FAM193A: variants seen among roughly 807,000 people sequenced by gnomAD.
FAM193A encodes protein FAM193A.
FAM193A carries 22 observed loss-of-function variants against 126.5 expected under a neutral mutation model. That is an observed-to-expected ratio of 0.17 (90% CI 0.12 to 0.25). The LOEUF is 0.25. Among genes scored for constraint, FAM193A ranks in the 10% least tolerant of loss-of-function variants. The pLI, the probability that FAM193A is intolerant of heterozygous loss-of-function variation, is 1.00. For synonymous variants in FAM193A, 761 were observed against 646.8 expected (o/e 1.18, Z -2.68); for missense variants, 1,675 against 1,672.8 (o/e 1.00, Z -0.02).
chr4:2,720,197 T>G (rs974181273), intron 20 of FAM193A: 11 of 154,608 alleles, frequency 7.1e-5, no homozygotes, highest in African/African-American at 2.7e-4. Flanking sequence ...AAAAAGTATT[T>G]TATATTCAAC....
chr4:2,673,195 A>G (rs1204898810), intron 13 of FAM193A, among the ~76,000 whole-genome samples: 2 of 152,202 alleles, frequency 1.3e-5, no homozygotes, highest in Non-Finnish European at 2.9e-5. Context: ...TCTTGTCCAA[A>G]GGTAGCTCTA....
At chr4:2,619,615 C>T (rs977636967) in intron 2 of FAM193A, among the ~76,000 whole-genome samples, 4 of 151,940 alleles carry the variant, frequency 2.6e-5, no homozygotes, top group South Asian at 2.1e-4. Context: ...TGGTCCCGCC[C>T]GCCTCTGCCT....
chr4:2,710,398 C>G (rs954220227), intron 19 of FAM193A, among the ~76,000 whole-genome samples: 1 of 152,086 alleles, frequency 6.6e-6, no homozygotes, highest in African/African-American at 2.4e-5. Flanking sequence ...TGGTCTCCAT[C>G]TCCTGACCTC....
chr4:2,579,499 AC>A (rs1447602606), intron 1 of FAM193A, among the ~76,000 whole-genome samples: 1 of 152,052 alleles, frequency 6.6e-6, no homozygotes, highest in Non-Finnish European at 1.5e-5. Context: ...GGCGTTGGAG[AC>A]CAACCTGGGC....
At chr4:2,610,224 C>G (rs1741782355) in intron 2 of FAM193A, among the ~76,000 whole-genome samples, 1 of 152,140 alleles carries the variant, frequency 6.6e-6, no homozygotes, top group African/African-American at 2.4e-5. Context: ...GAGCGAGACT[C>G]TGTCTCAAAA....
chr4:2,658,724 C>G (rs1712019398), intron 8 of FAM193A, among the ~76,000 whole-genome samples: 1 of 151,932 alleles, frequency 6.6e-6, no homozygotes, highest in South Asian at 2.1e-4. Context: ...CTTCCCTTTC[C>G]CCATTCTGCA....
At chr4:2,572,478 C>T (rs1453820808) in intron 1 of FAM193A, among the ~76,000 whole-genome samples, 1 of 152,108 alleles carries the variant, frequency 6.6e-6, no homozygotes, top group Admixed American at 6.6e-5. Flanking sequence ...TGGGCGTTCT[C>T]CAGTCTTCCT....
At chr4:2,588,134 G>A (rs558096952) in intron 1 of FAM193A, among the ~76,000 whole-genome samples, 1 of 152,312 alleles carries the variant, frequency 6.6e-6, no homozygotes, top group South Asian at 2.1e-4. Flanking sequence ...TCAGCACAGA[G>A]TCCATGTCCC....
intron 20 of FAM193A, among the ~76,000 whole-genome samples, chr4:2,721,929 C>T (rs1720210541): frequency 6.6e-6 from 1 of 152,170 alleles, no homozygotes. Context: ...GGAGAACTCT[C>T]ACAGACATAA....
chr4:2,537,134 G>T lies in FAM193A; in HGVS notation c.219G>T (p.Ala73=), dbSNP rs1736925164. The change falls in exon 1 of 21, where the codon GCG becomes GCT. Residue 73 remains alanine (A), a synonymous_variant. Coordinates refer to ENST00000637812, the MANE Select transcript of FAM193A (RefSeq NM_001366318.2). ...CCAACGGGCCTCTCGGCGCGGGCGC[G>T]AGCGCGGGCGGCGCCGCCCCCGGAG... is the stretch of plus-strand genomic sequence containing the variant. ...AAANGPLGAG[A]SAGGAAPGGY... 3 of 186,766 alleles carry T rather than the reference G, an allele frequency of 1.6e-5. No homozygotes were observed. The South Asian group carries it at 5.2e-4, about 32-fold the overall frequency. 11.6% of individuals were successfully genotyped at this position (186,766 alleles called of 1,614,324 possible). A position where few individuals can be genotyped will look rare whatever the true frequency, so the allele number is the denominator to read the frequency against.
At chr4:2,570,495 C>T (rs1001307719) in intron 1 of FAM193A, among the ~76,000 whole-genome samples, 6 of 152,118 alleles carry the variant, frequency 3.9e-5, no homozygotes, top group African/African-American at 1.4e-4. Context: ...ATATCTTTAA[C>T]TTTTCCCAAG....
At chr4:2,589,105 T>C (rs1464308476) in intron 1 of FAM193A, among the ~76,000 whole-genome samples, 1 of 152,198 alleles carries the variant, frequency 6.6e-6, no homozygotes, top group Non-Finnish European at 1.5e-5. Flanking sequence ...TTTGTTTTCT[T>C]CTGGATAAGT....
intron 2 of FAM193A, among the ~76,000 whole-genome samples, chr4:2,604,598 T>C (rs2108927980): frequency 6.6e-6 from 1 of 152,262 alleles, no homozygotes; most frequent in East Asian, 1.9e-4. Context: ...GTCGTGCCTT[T>C]CTCCTGAAGG....
chr4:2,724,097 A>G (rs1433433644), intron 20 of FAM193A, among the ~76,000 whole-genome samples: 1 of 152,086 alleles, frequency 6.6e-6, no homozygotes, highest in South Asian at 2.1e-4. Flanking sequence ...TATTAATACT[A>G]CATGAAATCT....
rs1034536056 is a variant in FAM193A, at chr4:2,608,434, C to T, written c.501+12105C>T. ...GCTCAATCAGTCTCCCTCTGTCGCC[C>T]TGGCTGGACCTCAGATGATCTGCCT... On this transcript the variant is annotated intron_variant, in intron 2 of 20. Coordinates refer to ENST00000637812, the MANE Select transcript of FAM193A (RefSeq NM_001366318.2). Among the ~76,000 whole-genome samples the T allele has an allele frequency of 5.3e-5, 8 of 152,180 alleles. No individual in the cohort carries two copies. In the East Asian group the frequency reaches 5.8e-4, roughly 11 times the overall value.
At chr4:2,711,141 C>A in intron 19 of FAM193A, among the ~76,000 whole-genome samples, 1 of 152,072 alleles carries the variant, frequency 6.6e-6, no homozygotes, top group East Asian at 1.9e-4. Flanking sequence ...CGTGAGCCAC[C>A]ACGCCCGGCC....
chr4:2,723,231 G>A (rs1030537861), intron 20 of FAM193A, among the ~76,000 whole-genome samples: 3 of 152,064 alleles, frequency 2.0e-5, no homozygotes, highest in African/African-American at 7.2e-5. Flanking sequence ...CCAACATCAC[G>A]CCACTGCACT....
chr4:2,715,950 A>G, intron 19 of FAM193A, 73 bp from the exon 20 acceptor site: 2 of 895,748 alleles, frequency 2.2e-6, no homozygotes, highest in South Asian at 2.7e-5. Context: ...GAGCGAAGAC[A>G]AATGATTTCT....
intron 6 of FAM193A, among the ~76,000 whole-genome samples, chr4:2,640,307 C>G (rs142692786): frequency 6.6e-6 from 1 of 152,158 alleles, no homozygotes; most frequent in African/African-American, 2.4e-5. Context: ...TGCTCTGTCT[C>G]CTGGTGTAGC....
Sources: gnomAD v4.1 joint callset for allele counts (sites outside exome capture counted in the v4.1 genomes callset) on GRCh38, gnomAD v4.1.1 for gene constraint, MANE v1.5 for transcripts, NCBI Gene and HGNC (gene_info 2026-07-23, HGNC 2026-07-21) for gene names.